Variants in ACOXL observed in about 807,000 individuals in gnomAD.
The protein encoded by ACOXL is acyl-CoA oxidase like, also known as acyl-coenzyme A oxidase-like protein.
ACOXL carries 70 observed loss-of-function variants against 71.9 expected under a neutral mutation model. That is an observed-to-expected ratio of 0.97 (90% CI 0.80 to 1.19). ACOXL has a LOEUF of 1.19. ACOXL is among the 50% of genes most tolerant of loss of function. The pLI, the probability that ACOXL is intolerant of heterozygous loss-of-function variation, is 0.00. For missense variants in ACOXL, 703 were observed against 736.3 expected, an observed-to-expected ratio of 0.95 and a Z score of 0.52; for synonymous variants, 253 against 281.6, an observed-to-expected ratio of 0.90 and a Z score of 1.02.
At chr2:111,085,101 A>G (rs1392005806) in intron 16 of ACOXL, among the ~76,000 whole-genome samples, 1 of 152,238 alleles carries the variant, frequency 6.6e-6, no homozygotes, top group Admixed American at 6.5e-5. Context: ...GAGACCTATG[A>G]AGAGACTTAC....
At chr2:110,936,725 G>A (rs531525957) in intron 12 of ACOXL, among the ~76,000 whole-genome samples, 2 of 152,276 alleles carry the variant, frequency 1.3e-5, no homozygotes, top group East Asian at 1.9e-4. Flanking sequence ...GAGATACATC[G>A]GCTGAGGTCC....
At chr2:110,936,263 G>A (rs895747034) in intron 12 of ACOXL, among the ~76,000 whole-genome samples, 11 of 151,944 alleles carry the variant, frequency 7.2e-5, no homozygotes, top group African/African-American at 2.4e-4. Flanking sequence ...TGGGTTACCC[G>A]CACTGTTATT....
At chr2:110,879,908 G>T (rs540315915) in intron 10 of ACOXL, among the ~76,000 whole-genome samples, 3 of 152,238 alleles carry the variant, frequency 2.0e-5, no homozygotes, top group Admixed American at 6.5e-5. Context: ...ACTTTGGGAG[G>T]CTGAGGGCAG....
At chr2:110,791,238 C>T (rs543349312) in intron 3 of ACOXL, among the ~76,000 whole-genome samples, 1 of 152,400 alleles carries the variant, frequency 6.6e-6, no homozygotes, top group East Asian at 1.9e-4. Context: ...TCAACTGCTG[C>T]AGTTTCCTGC....
chr2:110,928,203 G>A (rs1287116495), intron 11 of ACOXL, among the ~76,000 whole-genome samples: 1 of 152,180 alleles, frequency 6.6e-6, no homozygotes, highest in African/African-American at 2.4e-5. Context: ...TAAGAAAATA[G>A]CTAACACACA....
At position 110,777,983 on chromosome 2, in the gene ACOXL, A is replaced by C. The variant is rs564493639; in HGVS notation, c.76-6749A>C. On this transcript the variant is annotated intron_variant, in intron 2 of 17. Transcript: ENST00000439055. ...TTGGGCATGTGAGCCGAGTTCAACTATTGGAAGCTCGCATTGGGACCAGCC... is the reference window on the plus strand; with the variant it reads ...TTGGGCATGTGAGCCGAGTTCAACTCTTGGAAGCTCGCATTGGGACCAGCC... 5.3e-5 allele frequency among the ~76,000 whole-genome samples: 8 copies of C among 152,316 alleles called. No homozygotes were observed. The East Asian group carries it at 1.5e-3, about 29-fold the overall frequency.
chr2:111,116,795 T>G (rs1405219338), intron 17 of ACOXL, among the ~76,000 whole-genome samples: 1 of 149,050 alleles, frequency 6.7e-6, no homozygotes, highest in Non-Finnish European at 1.5e-5. Context: ...CTTATTAGTT[T>G]GGTAGCTTTT....
chr2:110,780,940 G>T lies in ACOXL; in HGVS notation c.76-3792G>T, dbSNP rs189756858. Among the ~76,000 whole-genome samples, 197 of 152,192 alleles carry T rather than the reference G, an allele frequency of 1.3e-3. 3 individuals carry two copies. The highest frequency in any genetic ancestry group is 4.1e-3 in the African/African-American group (170 of 41,542). On this transcript the variant is annotated intron_variant, in intron 2 of 17. Transcript: ENST00000439055. ...AGCTACTCAAGAGGCTGAGGCAGGA[G>T]GATTCCTTGAGCCCAGGAGTTTGAG...
intron 16 of ACOXL, among the ~76,000 whole-genome samples, chr2:111,064,435 CA>C (rs34617136): frequency 4.7e-5 from 4 of 85,322 alleles, no homozygotes; most frequent in Admixed American, 1.2e-4. Flanking sequence ...CACTCCATCT[CA>C]AAAAAAAAAC....
chr2:111,095,911 A>T (rs573828397), intron 17 of ACOXL, among the ~76,000 whole-genome samples: 128 of 152,320 alleles, frequency 8.4e-4, no homozygotes, highest in African/African-American at 3.0e-3. Context: ...AGGATAGTAG[A>T]ACTGGCACAA....
intron 14 of ACOXL, among the ~76,000 whole-genome samples, chr2:111,022,279 C>T (rs1346731270): frequency 5.3e-5 from 8 of 152,224 alleles, no homozygotes; most frequent in South Asian, 2.1e-4. Context: ...GCTGGAGAAT[C>T]GCTTGAAACC....
intron 2 of ACOXL, among the ~76,000 whole-genome samples, chr2:110,769,097 GGAAATA>G (rs1293453563): frequency 1.8e-4 from 27 of 151,836 alleles, no homozygotes; most frequent in African/African-American, 6.5e-4. Flanking sequence ...TAAATAGCTG[GGAAATA>G]GAAATAACTC....
intron 10 of ACOXL, among the ~76,000 whole-genome samples, chr2:110,855,359 C>T (rs553812081): frequency 2.6e-5 from 4 of 152,294 alleles, no homozygotes; most frequent in African/African-American, 9.6e-5. Flanking sequence ...GGCACTAATG[C>T]TCAGAGAGGT....
At chr2:111,109,019 C>T (rs536686818) in intron 17 of ACOXL, among the ~76,000 whole-genome samples, 5 of 152,284 alleles carry the variant, frequency 3.3e-5, no homozygotes, top group African/African-American at 1.2e-4. Flanking sequence ...TCTGTCCTCC[C>T]AAATGCTCAT....
chr2:110,780,770 A>G (rs564429618), intron 2 of ACOXL, among the ~76,000 whole-genome samples: 85 of 152,272 alleles, frequency 5.6e-4, no homozygotes, highest in African/African-American at 2.0e-3. Context: ...ATCGTGGCTC[A>G]TGCCTGTAAT....
At chr2:110,889,358 G>A (rs1697680310) in intron 10 of ACOXL, among the ~76,000 whole-genome samples, 1 of 152,180 alleles carries the variant, frequency 6.6e-6, no homozygotes, top group Non-Finnish European at 1.5e-5. Flanking sequence ...TCCACATTGT[G>A]TAAAATTGTT....
At chr2:111,085,882 T>C (rs1185850339) in intron 16 of ACOXL, among the ~76,000 whole-genome samples, 1 of 152,128 alleles carries the variant, frequency 6.6e-6, no homozygotes, top group African/African-American at 2.4e-5. Context: ...ACAAAGGGGA[T>C]GTTACCACCG....
At chr2:110,982,265 C>T (rs575491691) in intron 12 of ACOXL, among the ~76,000 whole-genome samples, 22 of 152,196 alleles carry the variant, frequency 1.4e-4, no homozygotes, top group African/African-American at 5.1e-4. Context: ...AAGTCAAATC[C>T]GTGTTTAAGG....
At chr2:111,046,465 T>G (rs1175186232) in intron 15 of ACOXL, among the ~76,000 whole-genome samples, 1 of 152,226 alleles carries the variant, frequency 6.6e-6, no homozygotes, top group African/African-American at 2.4e-5. Context: ...AGAGGTTTAA[T>G]TGACTCACAG....
Sources: gnomAD v4.1 joint callset for allele counts (sites outside exome capture counted in the v4.1 genomes callset) on GRCh38, gnomAD v4.1.1 for gene constraint, MANE v1.5 for transcripts, NCBI Gene and HGNC (gene_info 2026-07-23, HGNC 2026-07-21) for gene names.